Variants in OLFM1 observed in about 807,000 individuals in gnomAD.
OLFM1 encodes olfactomedin 1, also known as noelin.
A neutral mutation model predicts 49.7 loss-of-function variants in OLFM1; 9 were observed. The ratio of observed to expected loss-of-function variants is 0.18; its 90% confidence interval spans 0.11 to 0.32. The LOEUF is 0.32. OLFM1 is among the 10% of genes least tolerant of loss of function. The pLI is 1.00. For synonymous variants in OLFM1, 240 were observed against 271.8 expected (o/e 0.88, Z 1.15); for missense variants, 369 against 661.8 (o/e 0.56, Z 4.85).
intron 1 of OLFM1, chr9:135,077,359 A>T: frequency 8.5e-7 from 1 of 1,174,992 alleles, no homozygotes; most frequent in Non-Finnish European, 1.1e-6. Context: ...TGAAGCCTCC[A>T]TGCCCAGGCC....
At position 135,088,700 on chromosome 9, in the gene OLFM1, C is replaced by T. The variant is rs1203142454; in HGVS notation, c.150+561C>T. ...TGCATTCCCAAAGTCCCAAGGCGCC[C>T]TTTCCTCCCCAGTCCATAGGAGGGT... is the stretch of plus-strand genomic sequence containing the variant. On this transcript the variant is annotated intron_variant, in intron 1 of 5. Transcript: ENST00000371793. This position sits in a 1 kb window ranked among gnomAD's most constrained non-coding sequence, Gnocchi z 4.8. Among the ~76,000 whole-genome samples the T allele has an allele frequency of 6.6e-6, 1 of 152,194 alleles. No homozygotes were observed.
chr9:135,085,106 G>A (rs1053708434), upstream of OLFM1, among the ~76,000 whole-genome samples: 1 of 152,324 alleles, frequency 6.6e-6, no homozygotes, highest in South Asian at 2.1e-4. Context: ...GTCCACCAAG[G>A]TCAAGGCCTG....
In OLFM1 at chr9:135,088,251, G is replaced by C; in HGVS notation, c.150+112G>C. On this transcript the variant is annotated intron_variant, in intron 1 of 5. Coordinates refer to ENST00000371793, the MANE Select transcript of OLFM1 (RefSeq NM_001282611.2). This position sits in a 1 kb window ranked among gnomAD's most constrained non-coding sequence, Gnocchi z 4.8. ...CGCCGCGCGGGACCCGAGTCGCCCA[G>C]GGAGGCGGCGGGGAGCAGGGCGGGC... 1 of 1,033,366 alleles carries C rather than the reference G, an allele frequency of 9.7e-7. No homozygotes were observed. The highest frequency in any genetic ancestry group is 1.2e-6 in the Non-Finnish European group (1 of 816,698). The allele number at this position is 1,033,366 out of a possible 1,614,324, so 64.0% of individuals were successfully genotyped here.
chr9:135,078,008 T>A (rs2119082118), intron 1 of OLFM1, among the ~76,000 whole-genome samples: 1 of 152,320 alleles, frequency 6.6e-6, no homozygotes, highest in African/African-American at 2.4e-5. Context: ...ATCTTTGACC[T>A]CTAAGATGGC....
chr9:135,119,439 C>A, intron 5 of OLFM1, 65 bp from the exon 6 acceptor site: 1 of 1,362,800 alleles, frequency 7.3e-7, no homozygotes, highest in South Asian at 1.3e-5. Context: ...GAAGTGCTCA[C>A]TGGGTCTTTG....
chr9:135,076,566 G>T, intron 1 of OLFM1: 8 of 1,089,468 alleles, frequency 7.3e-6, no homozygotes, highest in Non-Finnish European at 8.9e-6. Context: ...GTCTGTGAGC[G>T]CCGAACTGGG....
intron 5 of OLFM1, among the ~76,000 whole-genome samples, chr9:135,108,681 C>T (rs1215480544): frequency 6.6e-6 from 1 of 151,942 alleles, no homozygotes; most frequent in Non-Finnish European, 1.5e-5. Flanking sequence ...TGTGCAGGTG[C>T]TGTCCAAAGC....
chr9:135,097,662 C>T (rs1830819061), intron 3 of OLFM1: 3 of 839,366 alleles, frequency 3.6e-6, no homozygotes, highest in East Asian at 2.4e-5. Context: ...TTGACTAACT[C>T]GAGCATTACA....
chr9:135,077,164 A>G lies in OLFM1; in HGVS notation c.96+1362A>G, dbSNP rs1472344847. 6 of 1,547,288 alleles carry G rather than the reference A, an allele frequency of 3.9e-6. No individual in the cohort carries two copies. In the African/African-American group the frequency reaches 8.2e-5, roughly 21 times the overall value. On this transcript the variant is annotated intron_variant, in intron 1 of 5. Coordinates refer to the OLFM1 transcript ENST00000252854. ...TTCATTCATGTGCACACACACACAC[A>G]CACATGCACACACAGGGGAGCAGAT...
Position 135,119,686 on chromosome 9 carries a change from G to T in OLFM1, c.966G>T (p.Arg322Ser). 1 of 1,614,162 alleles carries T rather than the reference G, an allele frequency of 6.2e-7. No homozygotes were observed. The highest frequency in any genetic ancestry group is 2.2e-5 in the East Asian group (1 of 44,882). ...AGTTCCAGAGCCACATCATCATCAG[G>T]TTTGACCTGAAGACAGAGACCATCC... is the stretch of plus-strand genomic sequence containing the variant. Reference protein sequence around the residue: ...FNKFQSHIIIRFDLKTETILK... With the variant: ...FNKFQSHIIISFDLKTETILK... The change falls in exon 6 of 6, where the codon AGG becomes AGT. Residue 322 changes from arginine (R) to serine (S), a missense_variant. By Grantham distance (110) the Arg-to-Ser change is moderately radical. This residue lies in a region of OLFM1 where 294 missense variants were observed against 567.5 expected (regional missense o/e 0.52). Transcript: ENST00000371793.
At chr9:135,111,347 G>A (rs1332317776) in intron 5 of OLFM1, among the ~76,000 whole-genome samples, 1 of 152,230 alleles carries the variant, frequency 6.6e-6, no homozygotes, top group Non-Finnish European at 1.5e-5. Context: ...TCGAATTAGA[G>A]TGAGGCTGTG....
At position 135,087,687 on chromosome 9, in the gene OLFM1, C is replaced by T. The variant is rs1261171055; in HGVS notation, c.-303C>T. The T allele has an allele frequency of 9.3e-6, 4 of 428,950 alleles. No individual in the cohort carries two copies. Among genetic ancestry groups the T allele is most frequent in the East Asian group, 7.1e-5 (1 of 14,054 alleles). The allele number at this position is 428,950 out of a possible 1,614,324, so 26.6% of individuals were successfully genotyped here. A position where few individuals can be genotyped will look rare whatever the true frequency, so the allele number is the denominator to read the frequency against. On this transcript the variant is annotated 5_prime_UTR_variant, in exon 1 of 6. Coordinates refer to ENST00000371793, the MANE Select transcript of OLFM1 (RefSeq NM_001282611.2). Reference sequence around the variant, plus strand: ...GCGCTCAGAGCCGGACGGCGCTTCCCGGTGGCGGCGGAGGAGCCCGGAGGG... The same window carrying T: ...GCGCTCAGAGCCGGACGGCGCTTCCTGGTGGCGGCGGAGGAGCCCGGAGGG...
chr9:135,094,270 G>A (rs536308801), intron 2 of OLFM1, among the ~76,000 whole-genome samples: 34 of 152,316 alleles, frequency 2.2e-4, no homozygotes, highest in African/African-American at 7.2e-4. Context: ...CATCCTGTCC[G>A]GAAAGCTGTG....
chr9:135,086,149 G>A (rs1417817602), upstream of OLFM1, among the ~76,000 whole-genome samples: 1 of 150,884 alleles, frequency 6.6e-6, no homozygotes, highest in Non-Finnish European at 1.5e-5. Flanking sequence ...GGCCAGAGGA[G>A]GGGGGCGAAG....
rs184279051 is a variant in OLFM1 at position 135,080,377 on chromosome 9, C to T, written c.96+4575C>T. Among the ~76,000 whole-genome samples, 1 of 152,146 alleles carries T rather than the reference C, an allele frequency of 6.6e-6. No individual in the cohort carries two copies. The highest frequency in any genetic ancestry group is 2.4e-5 in the African/African-American group (1 of 41,488). On this transcript the variant is annotated intron_variant, in intron 1 of 5. Coordinates refer to the OLFM1 transcript ENST00000252854. This position sits in a 1 kb window ranked among gnomAD's most constrained non-coding sequence, Gnocchi z 4.5. ...GTTCAGGTGAAATTGGGGTCTTTTC[C>T]TAAACCCATTATTTCAGAATACGTG...
Position 135,114,868 on chromosome 9 carries a change from A to G in OLFM1, c.784-4636A>G, listed in dbSNP as rs186004758. Among the ~76,000 whole-genome samples the G allele has an allele frequency of 1.1e-4, 17 of 152,250 alleles. No individual in the cohort carries two copies. In the East Asian group the frequency reaches 3.3e-3, roughly 30 times the overall value. ...ACCACTGAGGAATGAGGCAGCGGGA[A>G]CCAGGCCCCAGACACGGATTATTCC... On this transcript the variant is annotated intron_variant, in intron 5 of 5. Coordinates refer to ENST00000371793, the MANE Select transcript of OLFM1 (RefSeq NM_001282611.2).
upstream of OLFM1, among the ~76,000 whole-genome samples, chr9:135,087,047 C>T (rs1038621565): frequency 6.6e-5 from 10 of 152,246 alleles, no homozygotes; most frequent in Admixed American, 2.6e-4. Flanking sequence ...CCCCGCCTTG[C>T]TGTGCAGGTG....
At chr9:135,086,920 G>T (rs1830604623), upstream of OLFM1, among the ~76,000 whole-genome samples, 1 of 152,090 alleles carries the variant, frequency 6.6e-6, no homozygotes, top group Non-Finnish European at 1.5e-5. Flanking sequence ...TCATGGGCGT[G>T]GTCCCTTCAG....
chr9:135,110,817 C>T (rs572541454), intron 5 of OLFM1, among the ~76,000 whole-genome samples: 2 of 152,214 alleles, frequency 1.3e-5, no homozygotes, highest in Admixed American at 6.5e-5. Context: ...TTCCAGCGGC[C>T]CAGGCTCCTT....
Sources: allele counts gnomAD v4.1 joint callset (sites outside exome capture counted in the v4.1 genomes callset), GRCh38; gene constraint gnomAD v4.1.1; regional missense constraint gnomAD v4.1.1; non-coding constraint Gnocchi (gnomAD v3.1); transcripts MANE v1.5; gene names NCBI Gene and HGNC (gene_info 2026-07-23, HGNC 2026-07-21).